Variants in PPFIA3 observed in about 807,000 individuals in gnomAD.
PPFIA3 encodes liprin-alpha-3.
A neutral mutation model predicts 145.8 loss-of-function variants in PPFIA3; 26 were observed. The ratio of observed to expected loss-of-function variants is 0.18; its 90% CI spans 0.13 to 0.25. PPFIA3 has a LOEUF of 0.25. PPFIA3 is among the 10% of genes least tolerant of loss of function. The pLI is 1.00. For missense variants in PPFIA3, 1,008 were observed against 1,587.8 expected, an observed-to-expected ratio of 0.63 and a Z score of 6.21; for synonymous variants, 645 against 661.4, an observed-to-expected ratio of 0.98 and a Z score of 0.38.
intron 11 of PPFIA3, 53 bp from the exon 12 acceptor site, chr19:49,134,586 C>A: frequency 6.5e-7 from 1 of 1,548,236 alleles, no homozygotes. Context: ...CCTGCAGCCC[C>A]ACGGGCGTGG....
At chr19:49,145,660 C>T in intron 21 of PPFIA3, 1 of 476,958 alleles carries the variant, frequency 2.1e-6, no homozygotes, top group African/African-American at 1.9e-5. Flanking sequence ...CATTCTGTAC[C>T]TCTGTGTGAG....
intron 7 of PPFIA3, among the ~76,000 whole-genome samples, chr19:49,131,767 T>G (rs929024143): frequency 4.6e-5 from 7 of 150,920 alleles, no homozygotes; most frequent in African/African-American, 1.5e-4. Context: ...TCCCAGCACT[T>G]TGGGAGGCCG....
chr19:49,134,673 A>C lies in PPFIA3; in HGVS notation c.1412A>C (p.Lys471Thr). Residue 471 changes from lysine to threonine, a missense_variant, in exon 12 of 30, where the codon AAG (lysine) becomes ACG (threonine). Coordinates refer to ENST00000334186, the MANE Select transcript of PPFIA3 (RefSeq NM_003660.4). ...SLSEEIANMK[K>T]LQDELLLNKE... ...AGCGAGGAGATAGCCAACATGAAGA[A>C]GCTTCAGGATGAGTTGCTGCTAAAC... 1 of 1,614,038 alleles carries C rather than the reference A, an allele frequency of 6.2e-7. No individual in the cohort carries two copies.
intron 22 of PPFIA3, 47 bp from the exon 23 acceptor site, chr19:49,146,119 G>T (rs1299571870): frequency 6.2e-7 from 1 of 1,612,740 alleles, no homozygotes; most frequent in South Asian, 1.1e-5. Context: ...TCCTCTGCCT[G>T]CCCCTTAACT....
At position 49,130,836 on chromosome 19, in the gene PPFIA3, G is replaced by A. The variant is rs918572299; in HGVS notation, c.879+237G>A. 2.0e-5 allele frequency among the ~76,000 whole-genome samples: 3 copies of A among 152,094 alleles called. No homozygotes were observed. Among genetic ancestry groups the A allele is most frequent in the Non-Finnish European group, 4.4e-5 (3 of 68,028 alleles). ...GTAATTACTTTGTTACCTAACTTTG[G>A]GTTCTTCTCTGGTGCCTCTAAATGG... On this transcript the variant is annotated intron_variant, in intron 7 of 29. Coordinates refer to ENST00000334186, the MANE Select transcript of PPFIA3 (RefSeq NM_003660.4). The surrounding 1 kb of genome is among the most constrained non-coding windows in gnomAD (Gnocchi z 4.5).
At position 49,150,370 on chromosome 19, in the gene PPFIA3, T is replaced by C. The variant is rs749648712; in HGVS notation, c.*148T>C. The C allele has an allele frequency of 1.1e-5, 5 of 473,400 alleles. No individual in the cohort carries two copies. The East Asian group carries it at 1.7e-4, about 17-fold the overall frequency. The allele number at this position is 473,400 out of a possible 1,614,324, so 29.3% of individuals were successfully genotyped here. On this transcript the variant is annotated 3_prime_UTR_variant, in exon 30 of 30. Transcript: ENST00000334186. ...GACCATCTGTACAGACCAGCGGGAG[T>C]GCGCGCGCCCGCCTCGCACAGGGCC...
chr19:49,135,400 T>C lies in PPFIA3; in HGVS notation c.1521-379T>C, dbSNP rs117143784. Among the ~76,000 whole-genome samples the C allele has an allele frequency of 5.1e-3, 771 of 151,774 alleles. 6 individuals carry two copies. The highest frequency in any genetic ancestry group is 0.024 in the Middle Eastern group (7 of 292). On this transcript the variant is annotated intron_variant, in intron 13 of 29. Transcript: ENST00000334186. ...ATTTTTTCTTTCTTTTGAGACAGAG[T>C]CTCACTCTGCTGCCTGGGCTAGAGT...
chr19:49,142,667 TCTC>T, intron 20 of PPFIA3, 134 bp from the exon 21 acceptor site: 1 of 588,580 alleles, frequency 1.7e-6, no homozygotes, highest in Non-Finnish European at 2.9e-6. Flanking sequence ...TCCTGTTTCT[TCTC>T]CTTGCGAACT....
chr19:49,128,117 T>C lies in PPFIA3; in HGVS notation c.240+4T>C, dbSNP rs1043086279. The stretch of plus-strand genomic sequence containing the variant: ...GCTCAGCATCGCGCTGCCCCAGGTC[T>C]GGGCGGGACAGGGGCGGGGCATGAG... On this transcript the variant is annotated splice_donor_region_variant and intron_variant, in intron 2 of 29. Transcript: ENST00000334186. The surrounding 1 kb of genome is among the most constrained non-coding windows in gnomAD (Gnocchi z 4.1). 3 of 692,440 alleles carry C rather than the reference T, an allele frequency of 4.3e-6. No individual in the cohort carries two copies. The highest frequency in any genetic ancestry group is 5.2e-5 in the African/African-American group (2 of 38,414). The allele number at this position is 692,440 out of a possible 1,614,324, so 42.9% of individuals were successfully genotyped here. A position where few individuals can be genotyped will look rare whatever the true frequency, so the allele number is the denominator to read the frequency against.
rs142815673 is a variant in PPFIA3, at chr19:49,130,443, C to T, written c.723C>T (p.Ala241=). 2.3e-4 allele frequency: 375 copies of T among 1,610,526 alleles called. 3 individuals are homozygous for T. The African/African-American group carries it at 4.2e-3, about 18-fold the overall frequency. Residue 241 remains alanine, a synonymous_variant, in exon 7 of 30, where the codon GCC becomes GCT. Coordinates refer to ENST00000334186, the MANE Select transcript of PPFIA3 (RefSeq NM_003660.4). This position sits in a 1 kb window ranked among gnomAD's most constrained non-coding sequence, Gnocchi z 4.5. ...GGCGCACAGCAGAGCTGGAGGAGGCCCTGGAGCGGCAGCGCGCCGAGGTGT... is the reference window on the plus strand; with the variant it reads ...GGCGCACAGCAGAGCTGGAGGAGGCTCTGGAGCGGCAGCGCGCCGAGGTGT... ...SNRRTAELEE[A]LERQRAEVCQ...
At chr19:49,143,098 TC>T in intron 21 of PPFIA3, 94 bp downstream of exon 21, 1 of 1,369,860 alleles carries the variant, frequency 7.3e-7, no homozygotes. Flanking sequence ...CACTCCCCTG[TC>T]CCACGACCCT....
At position 49,149,409 on chromosome 19, in the gene PPFIA3, T is replaced by A; in HGVS notation, c.3354+84T>A. 1 of 1,588,110 alleles carries A rather than the reference T, an allele frequency of 6.3e-7. No homozygotes were observed. Among genetic ancestry groups the A allele is most frequent in the Non-Finnish European group, 8.6e-7 (1 of 1,157,724 alleles). On this transcript the variant is annotated intron_variant, in intron 27 of 29. Transcript: ENST00000334186. The surrounding 1 kb of genome is among the most constrained non-coding windows in gnomAD (Gnocchi z 5.7). The stretch of plus-strand genomic sequence containing the variant: ...TGAGGGGGCGGGGCCTGACTATTAA[T>A]GGTCACGGTTGGAGGCGGGGCCAGG...
At chr19:49,132,393 A>ATC in intron 7 of PPFIA3, among the ~76,000 whole-genome samples, 1 of 139,272 alleles carries the variant, frequency 7.2e-6, no homozygotes, top group Non-Finnish European at 1.6e-5. Flanking sequence ...TCTCTCTCAA[A>ATC]AAAAAAAAAA....
At position 49,128,598 on chromosome 19, in the gene PPFIA3, T is replaced by A. The variant is rs2041033126; in HGVS notation, c.342+130T>A. The A allele has an allele frequency of 2.3e-5, 20 of 868,960 alleles. No individual in the cohort carries two copies. Among genetic ancestry groups the A allele is most frequent in the South Asian group, 1.6e-4 (10 of 62,300 alleles). 53.8% of individuals were successfully genotyped at this position (868,960 alleles called of 1,614,324 possible). ...ATCTCGCCTTTCTGTCTTCTCCTCT[T>A]CCCTGCTCCCACTTCCTGGCTGGTC... On this transcript the variant is annotated intron_variant, in intron 3 of 29. Transcript: ENST00000334186. This position sits in a 1 kb window ranked among gnomAD's most constrained non-coding sequence, Gnocchi z 4.1.
At chr19:49,132,504 G>C (rs1469306131) in intron 7 of PPFIA3, among the ~76,000 whole-genome samples, 2 of 151,538 alleles carry the variant, frequency 1.3e-5, no homozygotes, top group African/African-American at 2.4e-5. Flanking sequence ...CCACCACGTG[G>C]GCTACCAGAT....
rs1313433678 is a variant in PPFIA3, at chr19:49,133,625, C to A, written c.1162-171C>A. Among the ~76,000 whole-genome samples the A allele has an allele frequency of 1.3e-5, 2 of 151,968 alleles. No individual in the cohort carries two copies. The highest frequency in any genetic ancestry group is 2.9e-5 in the Non-Finnish European group (2 of 67,970). ...GGCCTGGAACCTGAGAGGGAAGGAA[C>A]AGGTCCTGAAAAAGTGGACTAGGCG... On this transcript the variant is annotated intron_variant, in intron 9 of 29. Transcript: ENST00000334186. The surrounding 1 kb of genome is among the most constrained non-coding windows in gnomAD (Gnocchi z 7.2).
intron 21 of PPFIA3, among the ~76,000 whole-genome samples, chr19:49,143,756 G>C (rs550486132): frequency 6.6e-6 from 1 of 152,292 alleles, no homozygotes; most frequent in South Asian, 2.1e-4. Context: ...AACTTTTGCT[G>C]TACTTGCTCT....
rs781179994 is a variant in PPFIA3 at position 49,134,950 on chromosome 19, GA to G, written c.1520+36del. On this transcript the variant is annotated intron_variant, in intron 13 of 29. Transcript: ENST00000334186. ...GCCCTTCTGCCCTGCCCCCACCATG[GA>G]GCCCCGTTGGCCAAGCGCCAAGCTC... 9.5e-5 allele frequency: 143 copies of G among 1,510,266 alleles called. 2 individuals are homozygous for G. In the African/African-American group the frequency reaches 1.9e-3, roughly 20 times the overall value. 93.6% of individuals were successfully genotyped at this position (1,510,266 alleles called of 1,614,324 possible). A position where few individuals can be genotyped will look rare whatever the true frequency, so the allele number is the denominator to read the frequency against.
At position 49,136,917 on chromosome 19, in the gene PPFIA3, C is replaced by T; in HGVS notation, c.1853+6C>T. On this transcript the variant is annotated splice_donor_region_variant and intron_variant, in intron 15 of 29. Transcript: ENST00000334186. ...GCCATCAACAAGGAGATCAAGTGAG[C>T]CCTGGCCCCGCCCCGGCCTGCCCTG... 6.6e-7 allele frequency: 1 copy of T among 1,521,020 alleles called. No individual in the cohort carries two copies. Among genetic ancestry groups the T allele is most frequent in the Non-Finnish European group, 8.9e-7 (1 of 1,128,052 alleles). 94.2% of individuals were successfully genotyped at this position (1,521,020 alleles called of 1,614,324 possible).
Sources: allele counts gnomAD v4.1 joint callset (sites outside exome capture counted in the v4.1 genomes callset), GRCh38; gene constraint gnomAD v4.1.1; non-coding constraint Gnocchi (gnomAD v3.1); transcripts MANE v1.5; gene names NCBI Gene and HGNC (gene_info 2026-07-23, HGNC 2026-07-21).